Variants in TPH2 observed in about 807,000 individuals in gnomAD.
TPH2 encodes the protein tryptophan 5-hydroxylase 2.
Under a neutral mutation model 59.1 loss-of-function variants are expected in TPH2, and 27 were observed. That is an observed-to-expected ratio of 0.46 (90% CI 0.34 to 0.63). The LOEUF (loss-of-function observed/expected upper bound fraction) is 0.63. TPH2 is among the 30% of genes least tolerant of loss of function. The pLI, the probability that TPH2 is intolerant of heterozygous loss-of-function variation, is 0.01. For missense variants in TPH2, 523 were observed against 588.3 expected (o/e 0.89, Z 1.15); for synonymous variants, 220 against 210.5 (o/e 1.05, Z -0.39).
rs542964316 is a variant in TPH2 at position 71,980,023 on chromosome 12, T to G, written c.941+936T>G. ...AGTGCTTCCATGAAGTGCTAATAAG[T>G]GCTGTGAAGACAAATAGAGCATGGC... On this transcript the variant is annotated intron_variant, in intron 7 of 10. Transcript: ENST00000333850. Among the ~76,000 whole-genome samples, 4 of 152,246 alleles carry G rather than the reference T, an allele frequency of 2.6e-5. No individual in the cohort carries two copies. In the South Asian group the frequency reaches 8.3e-4, roughly 32 times the overall value.
rs542972290 is a variant in TPH2 at position 72,005,402 on chromosome 12, G to A, written c.1068+10837G>A. On this transcript the variant is annotated intron_variant, in intron 8 of 10. Transcript: ENST00000333850. The stretch of plus-strand genomic sequence containing the variant: ...ATTAAAAAGATAACATATATTTATT[G>A]TAGAAAAAATTTAAAACATAGATAA... Among the ~76,000 whole-genome samples the A allele has an allele frequency of 2.2e-4, 33 of 152,032 alleles. 1 individual carries two copies. The South Asian group carries it at 6.9e-3, about 32-fold the overall frequency.
intron 5 of TPH2, among the ~76,000 whole-genome samples, chr12:71,949,997 C>T (rs1871301320): frequency 1.3e-5 from 2 of 152,110 alleles, no homozygotes; most frequent in African/African-American, 4.8e-5. Flanking sequence ...TAACCCCCTT[C>T]AGTCTCCTGC....
intron 9 of TPH2, among the ~76,000 whole-genome samples, chr12:72,023,957 A>T (rs1873499823): frequency 4.6e-5 from 7 of 152,200 alleles, no homozygotes; most frequent in Admixed American, 4.6e-4. Context: ...TATATCACAG[A>T]TGAGAAAACT....
chr12:72,021,987 G>A (rs1240622083), intron 8 of TPH2, among the ~76,000 whole-genome samples: 1 of 152,128 alleles, frequency 6.6e-6, no homozygotes, highest in Non-Finnish European at 1.5e-5. Context: ...GCGATTACTG[G>A]ATTCCAACTT....
chr12:72,023,590 G>T (rs1021740777), intron 9 of TPH2, among the ~76,000 whole-genome samples: 1 of 152,092 alleles, frequency 6.6e-6, no homozygotes, highest in Non-Finnish European at 1.5e-5. Context: ...AGCACTTTGG[G>T]AGGCTGAGGT....
At position 72,012,657 on chromosome 12, in the gene TPH2, T is replaced by C. The variant is rs534981942; in HGVS notation, c.1069-9742T>C. On this transcript the variant is annotated intron_variant, in intron 8 of 10. Transcript: ENST00000333850. ...GTTGTCATGACCTACCATTGAGTCT[T>C]GGAGATGGGAGTATCTTAGATGGAT... is the stretch of plus-strand genomic sequence containing the variant. 7.2e-5 allele frequency among the ~76,000 whole-genome samples: 11 copies of C among 152,334 alleles called. No individual in the cohort carries two copies. The East Asian group carries it at 2.1e-3, about 29-fold the overall frequency.
At chr12:71,994,664 T>C in intron 8 of TPH2, 99 bp downstream of exon 8, 1 of 1,464,264 alleles carries the variant, frequency 6.8e-7, no homozygotes, top group East Asian at 2.3e-5. Context: ...GTAAATGTTC[T>C]GGAGAAAACA....
intron 4 of TPH2, among the ~76,000 whole-genome samples, chr12:71,947,865 T>G (rs1476840882): frequency 6.6e-6 from 1 of 152,178 alleles, no homozygotes; most frequent in Non-Finnish European, 1.5e-5. Flanking sequence ...GAGAGGCAGT[T>G]GAGATTCTTC....
chr12:71,943,375 T>G (rs976335176), intron 2 of TPH2, among the ~76,000 whole-genome samples: 5 of 152,184 alleles, frequency 3.3e-5, no homozygotes, highest in Non-Finnish European at 7.4e-5. Flanking sequence ...AGAAGATGTC[T>G]GCTTATTTGT....
intron 7 of TPH2, among the ~76,000 whole-genome samples, chr12:71,984,912 C>A (rs1872388010): frequency 6.6e-6 from 1 of 152,254 alleles, no homozygotes; most frequent in East Asian, 1.9e-4. Context: ...TTAGAGGCCC[C>A]AAGACCTGAA....
In TPH2 at chr12:71,972,619, C is replaced by T. The variant is rs759053436; in HGVS notation, c.709C>T (p.Arg237Ter). ...CAAACTCTATCCCACTCATGCTTGC[C>T]GAGAGTATTTGAAAAACTTCCCTCT... is the stretch of plus-strand genomic sequence containing the variant. Reference protein sequence around the residue: ...LSKLYPTHACREYLKNFPLLT... With the variant: ...LSKLYPTHAC Residue 237 changes from arginine (R) to a stop codon, truncating the protein, a stop_gained, in exon 6 of 11, where the codon CGA becomes TGA. Transcript: ENST00000333850. LOFTEE classifies it high-confidence loss of function. The T allele has an allele frequency of 8.1e-6, 13 of 1,613,918 alleles. No homozygotes were observed. Among genetic ancestry groups the T allele is most frequent in the African/African-American group, 2.7e-5 (2 of 74,870 alleles).
intron 8 of TPH2, among the ~76,000 whole-genome samples, chr12:72,002,743 C>G (rs943465368): frequency 6.7e-6 from 1 of 148,438 alleles, no homozygotes; most frequent in African/African-American, 2.5e-5. Flanking sequence ...CAGACCATCA[C>G]CTATTTTATT....
intron 8 of TPH2, among the ~76,000 whole-genome samples, chr12:72,021,608 G>C (rs1873421882): frequency 6.6e-6 from 1 of 152,030 alleles, no homozygotes; most frequent in East Asian, 1.9e-4. Flanking sequence ...AGTGTTCTGA[G>C]CACTGTTAAG....
Position 72,011,937 on chromosome 12 carries a change from A to G in TPH2, c.1069-10462A>G, listed in dbSNP as rs555523396. On this transcript the variant is annotated intron_variant, in intron 8 of 10. Transcript: ENST00000333850. ...AAAGAGCAGACCTATTTCTAAACCT[A>G]TAAGTGAAAACCACTTTGATGGCTA... Among the ~76,000 whole-genome samples the G allele has an allele frequency of 9.8e-5, 15 of 152,312 alleles. No individual in the cohort carries two copies. The East Asian group carries it at 2.9e-3, about 29-fold the overall frequency.
chr12:71,974,717 T>C (rs549350990), intron 6 of TPH2, among the ~76,000 whole-genome samples: 2 of 152,330 alleles, frequency 1.3e-5, no homozygotes, highest in East Asian at 3.9e-4. Flanking sequence ...CTCCCCCTAT[T>C]GCCACTTATG....
chr12:72,016,838 G>A lies in TPH2; in HGVS notation c.1069-5561G>A, dbSNP rs142542620. On this transcript the variant is annotated intron_variant, in intron 8 of 10. Transcript: ENST00000333850. Reference sequence around the variant, plus strand: ...AGGAAGTGAAAGAAGTAGGCAACTCGGGCTTCCTCCTAGAAGTTTATATGT... The same window carrying A: ...AGGAAGTGAAAGAAGTAGGCAACTCAGGCTTCCTCCTAGAAGTTTATATGT... Among the ~76,000 whole-genome samples, 812 of 152,154 alleles carry A rather than the reference G, an allele frequency of 5.3e-3. 3 individuals carry two copies. The highest frequency in any genetic ancestry group is 9.3e-3 in the Non-Finnish European group (631 of 68,006).
At chr12:72,003,134 G>A (rs1872868624) in intron 8 of TPH2, among the ~76,000 whole-genome samples, 1 of 152,156 alleles carries the variant, frequency 6.6e-6, no homozygotes, top group African/African-American at 2.4e-5. Context: ...ATCTTTGGAT[G>A]CTGAAAGACT....
In TPH2 at chr12:72,001,333, T is replaced by C. The variant is rs370037345; in HGVS notation, c.1068+6768T>C. Among the ~76,000 whole-genome samples, 3 of 152,322 alleles carry C rather than the reference T, an allele frequency of 2.0e-5. No homozygotes were observed. The South Asian group carries it at 6.2e-4, about 32-fold the overall frequency. ...TTCCCAGAACCGGTTCCTGGAATGT[T>C]AGCCTTATGAAATGGCATTATGAGT... On this transcript the variant is annotated intron_variant, in intron 8 of 10. Transcript: ENST00000333850.
chr12:72,028,254 A>C (rs570857486), intron 9 of TPH2, among the ~76,000 whole-genome samples: 1 of 152,300 alleles, frequency 6.6e-6, no homozygotes, highest in Non-Finnish European at 1.5e-5. Context: ...CTAACATTTC[A>C]AGACAGAATC....
Sources: gnomAD v4.1 joint callset for allele counts (sites outside exome capture counted in the v4.1 genomes callset) on GRCh38, gnomAD v4.1.1 for gene constraint, MANE v1.5 for transcripts, NCBI Gene and HGNC (gene_info 2026-07-23, HGNC 2026-07-21) for gene names.